Variants in CCDC170 observed in about 807,000 individuals in gnomAD.
CCDC170 encodes coiled-coil domain containing 170, also known as coiled-coil domain-containing protein 170.
In CCDC170, 69 loss-of-function variants were observed where a neutral mutation model predicts 72.6. That is an observed-to-expected ratio of 0.95 (90% CI 0.78 to 1.16). The LOEUF is 1.16. Among genes scored for constraint, CCDC170 ranks in the 50% most tolerant of loss-of-function variants. The pLI, the probability that CCDC170 is intolerant of heterozygous loss-of-function variation, is 0.00. For missense variants in CCDC170, 852 were observed against 832.5 expected (o/e 1.02, Z -0.29); for synonymous variants, 300 against 303.9 (o/e 0.99, Z 0.13).
chr6:151,496,636 C>T (rs1049899286), intron 1 of CCDC170, among the ~76,000 whole-genome samples: 6 of 152,128 alleles, frequency 3.9e-5, no homozygotes, highest in Non-Finnish European at 7.4e-5. Context: ...ACTTTTCCTA[C>T]CATGCCAGAC....
chr6:151,513,725 C>A (rs963022682), intron 1 of CCDC170, among the ~76,000 whole-genome samples: 3 of 151,242 alleles, frequency 2.0e-5, no homozygotes, highest in African/African-American at 7.3e-5. Context: ...CTAGACCAGC[C>A]TGGCCAAGAT....
intron 1 of CCDC170, among the ~76,000 whole-genome samples, chr6:151,499,259 C>G (rs1244817182): frequency 7.9e-6 from 1 of 127,156 alleles, no homozygotes; most frequent in Non-Finnish European, 1.6e-5. Context: ...TGGAATCAGA[C>G]TGTATTTGAC....
At chr6:151,563,955 C>T (rs1319536181) in intron 5 of CCDC170, among the ~76,000 whole-genome samples, 5 of 152,206 alleles carry the variant, frequency 3.3e-5, no homozygotes, top group African/African-American at 1.2e-4. Context: ...TTTCCATTCA[C>T]ATTTTGTCCA....
chr6:151,605,870 G>A (rs563973929), intron 9 of CCDC170, among the ~76,000 whole-genome samples: 2 of 151,372 alleles, frequency 1.3e-5, no homozygotes, highest in Admixed American at 1.3e-4. Context: ...GGGTTCCGGG[G>A]GACAGTGCCA....
intron 5 of CCDC170, among the ~76,000 whole-genome samples, chr6:151,564,105 G>T (rs1231932837): frequency 6.6e-6 from 1 of 152,120 alleles, no homozygotes; most frequent in East Asian, 1.9e-4. Flanking sequence ...CTTTATGTTG[G>T]TATCTGTGCA....
intron 6 of CCDC170, among the ~76,000 whole-genome samples, chr6:151,579,905 A>T (rs1776357538): frequency 6.6e-6 from 1 of 152,166 alleles, no homozygotes; most frequent in African/African-American, 2.4e-5. Flanking sequence ...AAGTCTACGA[A>T]TTTCAGAGAG....
At chr6:151,564,848 T>A (rs1776105117) in intron 5 of CCDC170, among the ~76,000 whole-genome samples, 1 of 152,152 alleles carries the variant, frequency 6.6e-6, no homozygotes, top group Admixed American at 6.5e-5. Flanking sequence ...TGGTGGTGCC[T>A]ATCAGCACTG....
intron 1 of CCDC170, among the ~76,000 whole-genome samples, chr6:151,535,351 T>C (rs1226801616): frequency 6.6e-6 from 1 of 152,176 alleles, no homozygotes; most frequent in South Asian, 2.1e-4. Flanking sequence ...CCCTTCCAGA[T>C]GGGCAGGGGC....
In CCDC170 at chr6:151,612,827, GT is replaced by G. The variant is rs144267001; in HGVS notation, c.1711-2607del. 2.0e-3 allele frequency among the ~76,000 whole-genome samples: 303 copies of G among 150,278 alleles called. 6 individuals carry two copies. The highest frequency in any genetic ancestry group is 0.018 in the Admixed American group (278 of 15,082). On this transcript the variant is annotated intron_variant, in intron 9 of 10. Coordinates refer to ENST00000239374, the MANE Select transcript of CCDC170 (RefSeq NM_025059.4). ...CTTTTATTCTGTTACTTTCTTACTT[GT>G]TTTTTTTTAATGATCTAACCACAAA...
chr6:151,594,661 T>C (rs190945916), intron 8 of CCDC170, among the ~76,000 whole-genome samples: 1,676 of 151,962 alleles, frequency 0.011, 18 homozygotes, highest in Middle Eastern at 0.037. Context: ...CTTTTCTTTT[T>C]TTTTTTTGAG....
At chr6:151,590,763 A>T (rs1776523233) in intron 7 of CCDC170, among the ~76,000 whole-genome samples, 1 of 152,184 alleles carries the variant, frequency 6.6e-6, no homozygotes, top group African/African-American at 2.4e-5. Context: ...CTCTTGTCTT[A>T]ATCCCTTTTT....
chr6:151,555,255 A>C (rs1030839651), intron 5 of CCDC170, among the ~76,000 whole-genome samples: 1 of 152,194 alleles, frequency 6.6e-6, no homozygotes, highest in African/African-American at 2.4e-5. Flanking sequence ...TTAAATGGTA[A>C]AATATACATA....
chr6:151,602,584 G>C (rs1203984149), intron 9 of CCDC170, among the ~76,000 whole-genome samples: 2 of 152,084 alleles, frequency 1.3e-5, no homozygotes, highest in East Asian at 1.9e-4. Context: ...TCCCCTTGCT[G>C]TTCTCATGAT....
intron 5 of CCDC170, among the ~76,000 whole-genome samples, chr6:151,549,511 T>C (rs1012401285): frequency 6.6e-6 from 1 of 152,204 alleles, no homozygotes; most frequent in African/African-American, 2.4e-5. Context: ...CAGGAGTATA[T>C]GGTGAAACAT....
chr6:151,602,923 CTT>C (rs1776732716), intron 9 of CCDC170, among the ~76,000 whole-genome samples: 1 of 151,966 alleles, frequency 6.6e-6, no homozygotes, highest in Non-Finnish European at 1.5e-5. Context: ...GCTTCAGCCT[CTT>C]GAGTTGCTGG....
At chr6:151,615,888 T>C in intron 10 of CCDC170, 1 of 512,864 alleles carries the variant, frequency 1.9e-6, no homozygotes, top group Admixed American at 3.5e-5. Context: ...ACTAGTCACA[T>C]ATTTATTCAA....
chr6:151,568,327 G>A (rs1281328779), intron 5 of CCDC170, among the ~76,000 whole-genome samples: 2 of 152,210 alleles, frequency 1.3e-5, no homozygotes, highest in South Asian at 2.1e-4. Flanking sequence ...AGAACTGAAT[G>A]CCAAACTTCA....
chr6:151,529,183 A>G (rs1240671689), intron 1 of CCDC170, among the ~76,000 whole-genome samples: 1 of 152,146 alleles, frequency 6.6e-6, no homozygotes, highest in African/African-American at 2.4e-5. Flanking sequence ...CAAACAATGA[A>G]TTTATATTAT....
At chr6:151,494,271 C>A in intron 1 of CCDC170, 86 bp downstream of exon 1, 2 of 1,333,764 alleles carry the variant, frequency 1.5e-6, no homozygotes, top group South Asian at 1.5e-5. Flanking sequence ...GATTTGCACC[C>A]TTTTCCTCCC....
Sources: gnomAD v4.1 joint callset for allele counts (sites outside exome capture counted in the v4.1 genomes callset) on GRCh38, gnomAD v4.1.1 for gene constraint, MANE v1.5 for transcripts, NCBI Gene and HGNC (gene_info 2026-07-23, HGNC 2026-07-21) for gene names.